The following SPIN1 variants were observed in gnomAD, a reference collection of about 807,000 sequenced individuals.
SPIN1 encodes the protein spindlin-1.
Under a neutral mutation model 26.0 loss-of-function variants are expected in SPIN1, and 3 were observed. That is an observed-to-expected ratio of 0.12 (90% CI 0.05 to 0.30). SPIN1 has a LOEUF of 0.30. Ranked by LOEUF, SPIN1 falls within the 10% of genes least tolerant of loss-of-function variation. The pLI, the probability that SPIN1 is intolerant of heterozygous loss-of-function variation, is 1.00. For missense variants in SPIN1, 126 were observed against 333.4 expected (o/e 0.38, Z 4.84); for synonymous variants, 101 against 116.5 (o/e 0.87, Z 0.86).
chr9:88,397,692 G>C (rs1827096954), intron 1 of SPIN1, among the ~76,000 whole-genome samples: 2 of 151,836 alleles, frequency 1.3e-5, no homozygotes, highest in South Asian at 4.2e-4. Context: ...TGCGGTCTCA[G>C]CTCACTGCAG....
intron 1 of SPIN1, chr9:88,410,805 G>A: frequency 2.0e-6 from 2 of 985,748 alleles, no homozygotes; most frequent in South Asian, 2.5e-5. Flanking sequence ...GACCACTGAA[G>A]TTTCCTCCAC....
chr9:88,418,719 T>C (rs902773871), intron 1 of SPIN1: 7 of 152,224 alleles, frequency 4.6e-5, no homozygotes, highest in African/African-American at 1.7e-4. Context: ...TACATTGTCA[T>C]TGATTTCTTG....
chr9:88,393,132 C>G (rs1312429008), intron 1 of SPIN1, among the ~76,000 whole-genome samples: 1 of 124,872 alleles, frequency 8.0e-6, no homozygotes. Context: ...GTTAAATGTG[C>G]TTTTTTTTTT....
rs1826835808 is a variant in SPIN1, at chr9:88,388,455, T to C, written c.-242T>C. The C allele has an allele frequency of 6.8e-6, 1 of 147,360 alleles. No individual in the cohort carries two copies. Among genetic ancestry groups the C allele is most frequent in the African/African-American group, 2.4e-5 (1 of 40,846 alleles). The allele number at this position is 147,360 out of a possible 1,614,324, so 9.1% of individuals were successfully genotyped here. ...GGAGCGGGGGCGGGGAGGCGCCGTC[T>C]GGCTCAGGCTGGGGCCGGCGGGAGC... On this transcript the variant is annotated 5_prime_UTR_variant, in exon 1 of 6. Coordinates refer to ENST00000375859, the MANE Select transcript of SPIN1 (RefSeq NM_006717.3).
intron 3 of SPIN1, among the ~76,000 whole-genome samples, chr9:88,449,514 G>A (rs117363405): frequency 1.3e-5 from 2 of 152,248 alleles, no homozygotes; most frequent in Non-Finnish European, 2.9e-5. Context: ...AGCCATCTAC[G>A]TAAACTGACA....
At chr9:88,418,850 T>G (rs1827618550) in intron 1 of SPIN1, 1 of 148,778 alleles carries the variant, frequency 6.7e-6, no homozygotes, top group African/African-American at 2.4e-5. Flanking sequence ...TGTGCTGCAG[T>G]TTTTCAGTTT....
intron 2 of SPIN1, among the ~76,000 whole-genome samples, chr9:88,445,255 C>G (rs1010362239): frequency 6.6e-6 from 1 of 151,978 alleles, no homozygotes; most frequent in Non-Finnish European, 1.5e-5. Flanking sequence ...ACTCTAAGCC[C>G]AGACATGCTC....
Position 88,477,551 on chromosome 9 carries a change from T to C in SPIN1, c.*2274T>C, listed in dbSNP as rs1034579295. 2 of 152,474 alleles carry C rather than the reference T, an allele frequency of 1.3e-5. No individual in the cohort carries two copies. The highest frequency in any genetic ancestry group is 4.8e-5 in the African/African-American group (2 of 41,404). 9.4% of individuals were successfully genotyped at this position (152,474 alleles called of 1,614,324 possible). ...GAAAGGGAAGGTTTGTTTTTTTTTCTCCCCATTTTCCCCCATTCTGTCTTT... is the reference window on the plus strand; with the variant it reads ...GAAAGGGAAGGTTTGTTTTTTTTTCCCCCCATTTTCCCCCATTCTGTCTTT... On this transcript the variant is annotated 3_prime_UTR_variant, in exon 6 of 6. Transcript: ENST00000375859.
chr9:88,453,768 C>T (rs1828410734), intron 3 of SPIN1, among the ~76,000 whole-genome samples: 2 of 152,172 alleles, frequency 1.3e-5, no homozygotes, highest in Non-Finnish European at 2.9e-5. Context: ...TCAGGTGATC[C>T]ATCCGCCTTG....
chr9:88,468,314 A>G lies in SPIN1; in HGVS notation c.356-58A>G, dbSNP rs924533397. On this transcript the variant is annotated intron_variant, in intron 4 of 5. Coordinates refer to ENST00000375859, the MANE Select transcript of SPIN1 (RefSeq NM_006717.3). Reference sequence around the variant, plus strand: ...GCCTTCTTTAGTAAATTCAGTCTTCATAGTCGGTAATCAGCGAAACACTTT... The same window carrying G: ...GCCTTCTTTAGTAAATTCAGTCTTCGTAGTCGGTAATCAGCGAAACACTTT... 7 of 1,290,218 alleles carry G rather than the reference A, an allele frequency of 5.4e-6. No homozygotes were observed. The South Asian group carries it at 6.7e-5, about 12-fold the overall frequency. The allele number at this position is 1,290,218 out of a possible 1,614,324, so 79.9% of individuals were successfully genotyped here. A position where few individuals can be genotyped will look rare whatever the true frequency, so the allele number is the denominator to read the frequency against.
intron 1 of SPIN1, among the ~76,000 whole-genome samples, chr9:88,404,914 TCAAAAAAAAAAAAAA>T (rs1196391567): frequency 3.0e-5 from 3 of 98,488 alleles, no homozygotes; most frequent in African/African-American, 1.0e-4. Context: ...AGATTTCGTC[TCAAAAAAAAAAAAAA>T]CAAAAAAAAA....
chr9:88,401,559 G>A (rs1827186676), intron 1 of SPIN1, among the ~76,000 whole-genome samples: 2 of 152,138 alleles, frequency 1.3e-5, no homozygotes, highest in South Asian at 4.1e-4. Flanking sequence ...ATTACTCCTA[G>A]TATGTAATAC....
At chr9:88,425,201 AAG>A (rs932353389) in intron 1 of SPIN1, among the ~76,000 whole-genome samples, 18 of 152,028 alleles carry the variant, frequency 1.2e-4, no homozygotes, top group African/African-American at 3.9e-4. Context: ...TCTGAGTGGG[AAG>A]AGAGTTTAAT....
At chr9:88,466,391 C>G (rs979514004) in intron 4 of SPIN1, among the ~76,000 whole-genome samples, 1 of 152,062 alleles carries the variant, frequency 6.6e-6, no homozygotes, top group African/African-American at 2.4e-5. Flanking sequence ...CTCCTGGCCT[C>G]AAGCAATCCT....
At chr9:88,424,048 G>A (rs1827720565) in intron 1 of SPIN1, among the ~76,000 whole-genome samples, 1 of 152,208 alleles carries the variant, frequency 6.6e-6, no homozygotes, top group African/African-American at 2.4e-5. Context: ...GTTTACAGGT[G>A]TGAACCACTG....
intron 3 of SPIN1, among the ~76,000 whole-genome samples, chr9:88,458,678 G>A (rs1444550924): frequency 6.6e-6 from 1 of 152,122 alleles, no homozygotes; most frequent in Admixed American, 6.5e-5. Context: ...GAGAGAGAGA[G>A]AAAAACACAT....
intron 1 of SPIN1, chr9:88,410,492 C>T: frequency 1.3e-6 from 1 of 753,324 alleles, no homozygotes; most frequent in South Asian, 1.4e-5. Flanking sequence ...TCTGTCACTT[C>T]TCTGGTTCTC....
Position 88,475,609 on chromosome 9 carries a change from G to A in SPIN1, c.*332G>A. The A allele has an allele frequency of 4.7e-6, 1 of 210,628 alleles. No individual in the cohort carries two copies. The highest frequency in any genetic ancestry group is 1.2e-4 in the East Asian group (1 of 8,688). 13.0% of individuals were successfully genotyped at this position (210,628 alleles called of 1,614,324 possible). A position where few individuals can be genotyped will look rare whatever the true frequency, so the allele number is the denominator to read the frequency against. On this transcript the variant is annotated 3_prime_UTR_variant, in exon 6 of 6. Transcript: ENST00000375859. ...CTCACCCTAACTCTCTTATTCTGCC[G>A]CCACAATGCAAGCATAGTTTGATGT...
chr9:88,471,717 G>A (rs1177302678), intron 5 of SPIN1, among the ~76,000 whole-genome samples: 1 of 148,294 alleles, frequency 6.7e-6, no homozygotes, highest in Non-Finnish European at 1.5e-5. Flanking sequence ...GTGTGTTTCT[G>A]GACTCTCAAT....
Sources: gnomAD v4.1 joint callset for allele counts (sites outside exome capture counted in the v4.1 genomes callset) on GRCh38, gnomAD v4.1.1 for gene constraint, MANE v1.5 for transcripts, NCBI Gene and HGNC (gene_info 2026-07-23, HGNC 2026-07-21) for gene names.